NCOR1: variants seen among roughly 807,000 people sequenced by gnomAD.
The protein encoded by NCOR1 is nuclear receptor corepressor 1.
In NCOR1, 63 loss-of-function variants were observed where a neutral mutation model predicts 288.1. The observed-to-expected ratio is 0.22, with a 90% CI of 0.18 to 0.27. The LOEUF is 0.27. Among genes scored for constraint, NCOR1 ranks in the 10% least tolerant of loss-of-function variants. NCOR1 has a pLI of 1.00. For synonymous variants in NCOR1, 1,007 were observed against 1,065.9 expected (o/e 0.94, Z 1.08); for missense variants, 2,397 against 3,019.2 (o/e 0.79, Z 4.83).
At chr17:16,136,981 G>A (rs942488051) in intron 14 of NCOR1, among the ~76,000 whole-genome samples, 7 of 151,838 alleles carry the variant, frequency 4.6e-5, no homozygotes, top group African/African-American at 1.7e-4. Flanking sequence ...AAACAGACTG[G>A]CTAAAGATAG....
intron 35 of NCOR1, among the ~76,000 whole-genome samples, chr17:16,062,709 T>C (rs1288968519): frequency 6.6e-6 from 1 of 152,250 alleles, no homozygotes; most frequent in African/African-American, 2.4e-5. Flanking sequence ...ACACTAGGGT[T>C]TGAGACTGTT....
chr17:16,144,553 T>C (rs1327818970), intron 10 of NCOR1, among the ~76,000 whole-genome samples: 3 of 152,172 alleles, frequency 2.0e-5, no homozygotes, highest in Admixed American at 2.0e-4. Flanking sequence ...CTATTAAACC[T>C]AGTACCCACT....
chr17:16,092,677 A>T (rs868716591), intron 21 of NCOR1, among the ~76,000 whole-genome samples: 1 of 17,744 alleles, frequency 5.6e-5, no homozygotes, highest in African/African-American at 3.1e-4. Context: ...ATATATATAT[A>T]TATATATATA....
chr17:16,195,113 T>C (rs1192610520), intron 1 of NCOR1, among the ~76,000 whole-genome samples: 1 of 152,190 alleles, frequency 6.6e-6, no homozygotes, highest in East Asian at 1.9e-4. Context: ...TAATCACAGA[T>C]GGTAGGTAGA....
chr17:16,185,910 C>A (rs2086584875), intron 3 of NCOR1, among the ~76,000 whole-genome samples: 1 of 151,838 alleles, frequency 6.6e-6, no homozygotes, highest in African/African-American at 2.4e-5. Context: ...GCACTCCAGC[C>A]TGGGCAACAG....
intron 37 of NCOR1, among the ~76,000 whole-genome samples, chr17:16,058,898 A>C (rs1289186240): frequency 6.6e-6 from 1 of 151,636 alleles, no homozygotes; most frequent in East Asian, 1.9e-4. Flanking sequence ...AAAAATACAA[A>C]ATTAGTAGGG....
At chr17:16,093,293 C>T (rs1055698777) in intron 21 of NCOR1, among the ~76,000 whole-genome samples, 1 of 152,216 alleles carries the variant, frequency 6.6e-6, no homozygotes, top group Non-Finnish European at 1.5e-5. Flanking sequence ...TCTCCCACAA[C>T]CAACTCATTC....
At chr17:16,063,517 G>A (rs984662422) in intron 35 of NCOR1, among the ~76,000 whole-genome samples, 5 of 152,048 alleles carry the variant, frequency 3.3e-5, no homozygotes, top group East Asian at 3.9e-4. Flanking sequence ...ATTCCTAGAC[G>A]TGGAATTACT....
chr17:16,083,242 A>G (rs987897566), intron 23 of NCOR1, among the ~76,000 whole-genome samples: 2 of 143,602 alleles, frequency 1.4e-5, no homozygotes, highest in Admixed American at 7.0e-5. Context: ...CAAAAAAAGG[A>G]AAAAAAAAAA....
chr17:16,087,473 C>G (rs1051139362), intron 22 of NCOR1: 1 of 370,840 alleles, frequency 2.7e-6, no homozygotes, highest in African/African-American at 2.1e-5. Flanking sequence ...CTCCTGGGGG[C>G]AAAATTCACC....
intron 40 of NCOR1, chr17:16,049,212 C>A: frequency 3.0e-6 from 1 of 329,230 alleles, no homozygotes; most frequent in Non-Finnish European, 5.5e-6. Context: ...ATGCGCGCCC[C>A]GTGGATCCAG....
chr17:16,202,951 C>T (rs1459139948), intron 1 of NCOR1, among the ~76,000 whole-genome samples: 2 of 152,162 alleles, frequency 1.3e-5, no homozygotes, highest in Non-Finnish European at 1.5e-5. Context: ...AAGATCAGCT[C>T]TGTTCTGCTC....
chr17:16,065,515 G>A lies in NCOR1; in HGVS notation c.4921C>T (p.Pro1641Ser). The A allele has an allele frequency of 1.2e-6, 2 of 1,614,172 alleles. No homozygotes were observed. Among genetic ancestry groups the A allele is most frequent in the East Asian group, 4.5e-5 (2 of 44,888 alleles). Residue 1641 changes from proline (P) to serine (S), a missense_variant, in exon 33 of 46, where the codon CCA becomes TCA. Transcript: ENST00000268712. ...GTTGCTGGGTATGGGAGACCCAGTG[G>A]CTGCTCTCTTGGGGAGAGTCCTCTG... ...VARGLSPREQ[P>S]LGLPYPATRG...
At chr17:16,060,193 T>C (rs1163845432) in intron 37 of NCOR1, among the ~76,000 whole-genome samples, 3 of 152,208 alleles carry the variant, frequency 2.0e-5, no homozygotes, top group Non-Finnish European at 4.4e-5. Context: ...TTGGACATCA[T>C]GGAATTCACT....
rs1215962055 is a variant in NCOR1, at chr17:16,067,954, G to C, written c.4681C>G (p.Arg1561Gly). 6.2e-7 allele frequency: 1 copy of C among 1,614,046 alleles called. No individual in the cohort carries two copies. The highest frequency in any genetic ancestry group is 8.5e-7 in the Non-Finnish European group (1 of 1,180,034). Residue 1561 changes from arginine to glycine, a missense_variant, in exon 32 of 46, where the codon CGG (arginine) becomes GGG (glycine). Arg to Gly is a moderately radical substitution (Grantham distance 125). Around this residue, in one of 11 missense-constraint regions of NCOR1, gnomAD observed 1,872 missense variants for 2,187.8 expected, o/e 0.86. Coordinates refer to ENST00000268712, the MANE Select transcript of NCOR1 (RefSeq NM_006311.4). ...TCCAAGTGCGTGGGCAGGTGGCTCC[G>C]ATAAACCTCGCCTGCAGTGCTGCCT... ...HRGSTAGEVY[R>G]SHLPTHLDPA...
At chr17:16,134,885 C>T (rs546534691) in intron 14 of NCOR1, among the ~76,000 whole-genome samples, 1 of 152,288 alleles carries the variant, frequency 6.6e-6, no homozygotes, top group Admixed American at 6.5e-5. Context: ...TGAGGCCGGG[C>T]GCCGTGGCTC....
intron 22 of NCOR1, among the ~76,000 whole-genome samples, chr17:16,087,800 G>A (rs1299568459): frequency 1.3e-5 from 2 of 152,104 alleles, no homozygotes; most frequent in Non-Finnish European, 2.9e-5. Flanking sequence ...TTCAAAAGAT[G>A]CAGATCAAAC....
intron 40 of NCOR1, among the ~76,000 whole-genome samples, chr17:16,051,424 G>A (rs572936028): frequency 1.3e-5 from 2 of 152,262 alleles, no homozygotes; most frequent in East Asian, 3.9e-4. Context: ...AATAAAGGCA[G>A]AAAGCAAGTT....
At position 16,164,049 on chromosome 17, in the gene NCOR1, T is replaced by C. The variant is rs1483478223; in HGVS notation, c.618+930A>G. Among the ~76,000 whole-genome samples the C allele has an allele frequency of 3.3e-5, 5 of 152,080 alleles. No homozygotes were observed. In the East Asian group the frequency reaches 9.7e-4, roughly 29 times the overall value. On this transcript the variant is annotated intron_variant, in intron 5 of 45. Coordinates refer to ENST00000268712, the MANE Select transcript of NCOR1 (RefSeq NM_006311.4). ...GAGTTTCTTTTTGAAATGATAAAAA[T>C]GTTCTAGAATTAGAGAGTGGTGATA...
Sources: gnomAD v4.1 joint callset for allele counts (sites outside exome capture counted in the v4.1 genomes callset) on GRCh38, gnomAD v4.1.1 for gene constraint, gnomAD v4.1.1 regional missense constraint, MANE v1.5 for transcripts, NCBI Gene and HGNC (gene_info 2026-07-23, HGNC 2026-07-21) for gene names.